Variants in DIAPH1 observed in about 807,000 individuals in gnomAD.
The protein encoded by DIAPH1 is diaphanous related formin 1, also known as protein diaphanous homolog 1.
A neutral mutation model predicts 140.7 loss-of-function variants in DIAPH1; 46 were observed. The ratio of observed to expected loss-of-function variants is 0.33; its 90% CI spans 0.26 to 0.42. The LOEUF is 0.42. Ranked by LOEUF, DIAPH1 falls within the 10% of genes least tolerant of loss-of-function variation. The pLI, the probability that DIAPH1 is intolerant of heterozygous loss-of-function variation, is 1.00. For missense variants in DIAPH1, 1,310 were observed against 1,558.7 expected (o/e 0.84, Z 2.69); for synonymous variants, 565 against 551.6 (o/e 1.02, Z -0.34).
In DIAPH1 at chr5:141,582,394, AT is replaced by A. The variant is rs768014746; in HGVS notation, c.621-20del. ...GTAACTCCTGTATATAGAAGACATAATCAGTGAGGTCCCTTTATTCTCTACC... is the reference window on the plus strand; with the variant it reads ...GTAACTCCTGTATATAGAAGACATAACAGTGAGGTCCCTTTATTCTCTACC... On this transcript the variant is annotated intron_variant, in intron 6 of 27. Transcript: ENST00000389054. The A allele has an allele frequency of 7.0e-6, 11 of 1,579,680 alleles. No homozygotes were observed. Among genetic ancestry groups the A allele is most frequent in the Non-Finnish European group, 9.6e-6 (11 of 1,148,774 alleles).
intron 27 of DIAPH1, among the ~76,000 whole-genome samples, chr5:141,523,155 A>G (rs530285483): frequency 1.3e-5 from 2 of 152,352 alleles, no homozygotes; most frequent in African/African-American, 4.8e-5. Context: ...TCTGTTTACA[A>G]TAATCTCAAA....
intron 19 of DIAPH1, among the ~76,000 whole-genome samples, chr5:141,531,207 A>G (rs2099888169): frequency 6.6e-6 from 1 of 152,206 alleles, no homozygotes. Context: ...TTCCTATTTC[A>G]GTAAATGGTA....
intron 1 of DIAPH1, among the ~76,000 whole-genome samples, chr5:141,596,815 A>G (rs998129626): frequency 6.6e-5 from 10 of 152,220 alleles, no homozygotes; most frequent in Non-Finnish European, 1.0e-4. Flanking sequence ...TAGACAACCC[A>G]GGATTATCAG....
At chr5:141,567,540 G>A (rs189491549) in intron 18 of DIAPH1, among the ~76,000 whole-genome samples, 9 of 152,230 alleles carry the variant, frequency 5.9e-5, no homozygotes, top group African/African-American at 1.4e-4. Context: ...TAATCTTACC[G>A]ATTTGAGTGG....
chr5:141,591,428 C>T (rs752707857), intron 1 of DIAPH1, among the ~76,000 whole-genome samples: 173 of 151,792 alleles, frequency 1.1e-3, no homozygotes, highest in Non-Finnish European at 2.0e-3. Flanking sequence ...ATACTATAAT[C>T]TAGGCTTGCT....
chr5:141,618,852 C>G lies in DIAPH1; in HGVS notation c.63G>C (p.Arg21=). 1 of 1,537,742 alleles carries G rather than the reference C, an allele frequency of 6.5e-7. No homozygotes were observed. The highest frequency in any genetic ancestry group is 1.4e-5 in the African/African-American group (1 of 71,344). ...GRGTRDKKKG[R]SPDELPSAGG... ...CCGCCGAGGGCAGCTCATCTGGGCT[C>G]CGGCCCTTCTTCTTGTCCCGGGTCC... The change falls in exon 1 of 28, where the codon CGG becomes CGC. Residue 21 remains arginine, a synonymous_variant. Transcript: ENST00000389054.
intron 4 of DIAPH1, 40 bp from the exon 5 acceptor site, chr5:141,583,655 C>T: frequency 1.2e-6 from 2 of 1,613,278 alleles, no homozygotes; most frequent in South Asian, 2.2e-5. Context: ...AATGGTGGAC[C>T]CAGTCATAAA....
At chr5:141,552,344 C>A (rs2099891826) in intron 18 of DIAPH1, among the ~76,000 whole-genome samples, 5 of 152,108 alleles carry the variant, frequency 3.3e-5, no homozygotes, top group Admixed American at 3.3e-4. Context: ...CACATGCCAC[C>A]ACACTTAGCT....
chr5:141,529,215 T>C lies in DIAPH1; in HGVS notation c.2735A>G (p.Asp912Gly), dbSNP rs755372400. 1 of 1,614,210 alleles carries C rather than the reference T, an allele frequency of 6.2e-7. No individual in the cohort carries two copies. The highest frequency in any genetic ancestry group is 1.1e-5 in the South Asian group (1 of 91,082). Residue 912 changes from aspartate to glycine, a missense_variant, in exon 21 of 28, where the codon GAT becomes GGT. Physicochemically the swap from Asp to Gly is moderately conservative, Grantham distance 94 (BLOSUM62 -1). This residue lies in a region of DIAPH1 where 344 missense variants were observed against 512.2 expected (regional missense o/e 0.67). Coordinates refer to ENST00000389054, the MANE Select transcript of DIAPH1 (RefSeq NM_005219.5). ...EQLKMLSELK[D>G]EYDDLAESEQ... ...TGACTCAGCCAGGTCATCATATTCA[T>C]CCTTCAGTTCAGAAAGCATTTTTAA...
Position 141,591,712 on chromosome 5 carries a change from A to ATATATATATATATATTTATATATATT in DIAPH1, c.118-3463_118-3462insAATATATATAAATATATATATATATA, listed in dbSNP as rs1426398756. On this transcript the variant is annotated intron_variant, in intron 1 of 27. Transcript: ENST00000389054. ...GAGATGGGGATATATATATATATATATATATATATATATATGAAGGAAGAT... is the reference window on the plus strand; with the variant it reads ...GAGATGGGGATATATATATATATATATATATATATATATATTTATATATATTTATATATATATATATGAAGGAAGAT... Among the ~76,000 whole-genome samples the ATATATATATATATATTTATATATATT allele has an allele frequency of 3.9e-4, 28 of 71,666 alleles. 1 individual carries two copies. Among genetic ancestry groups the ATATATATATATATATTTATATATATT allele is most frequent in the Middle Eastern group, 5.7e-3 (1 of 176 alleles). The allele number at this position is 71,666 out of a possible 152,430, so 47.0% of individuals were successfully genotyped here.
At chr5:141,606,120 T>C (rs1485400516) in intron 1 of DIAPH1, among the ~76,000 whole-genome samples, 5 of 152,162 alleles carry the variant, frequency 3.3e-5, no homozygotes, top group Non-Finnish European at 7.3e-5. Flanking sequence ...ATGAAGGAAC[T>C]GAAGGAATTC....
rs1408130172 is a variant in DIAPH1 at position 141,607,299 on chromosome 5, A to G, written c.117+11499T>C. Among the ~76,000 whole-genome samples the G allele has an allele frequency of 2.6e-5, 4 of 152,256 alleles. No homozygotes were observed. In the East Asian group the frequency reaches 7.7e-4, roughly 29 times the overall value. On this transcript the variant is annotated intron_variant, in intron 1 of 27. Transcript: ENST00000389054. ...ACAATGGCATTACCTATCTGAGCCC[A>G]TAATTTTCTTATACATCCTTGAGAT...
chr5:141,603,970 G>A (rs2099900549), intron 1 of DIAPH1, among the ~76,000 whole-genome samples: 1 of 152,136 alleles, frequency 6.6e-6, no homozygotes, highest in Admixed American at 6.6e-5. Flanking sequence ...CACTATTCCA[G>A]CACAGCAGAA....
At chr5:141,610,370 G>C (rs904598026) in intron 1 of DIAPH1, among the ~76,000 whole-genome samples, 8 of 151,832 alleles carry the variant, frequency 5.3e-5, no homozygotes, top group Non-Finnish European at 8.8e-5. Context: ...GCACAACCTC[G>C]GCTCACTGCA....
chr5:141,610,796 C>T (rs1448493217), intron 1 of DIAPH1, among the ~76,000 whole-genome samples: 2 of 151,776 alleles, frequency 1.3e-5, no homozygotes, highest in Admixed American at 6.6e-5. Flanking sequence ...AAAAATTAGG[C>T]CAGGTGCAGT....
chr5:141,533,276 T>C (rs2099888527), intron 19 of DIAPH1, among the ~76,000 whole-genome samples: 1 of 152,210 alleles, frequency 6.6e-6, no homozygotes, highest in South Asian at 2.1e-4. Flanking sequence ...TAAGTCTATA[T>C]TTCTTGGTAT....
At chr5:141,602,435 T>A (rs2099900290) in intron 1 of DIAPH1, among the ~76,000 whole-genome samples, 2 of 152,188 alleles carry the variant, frequency 1.3e-5, no homozygotes, top group African/African-American at 2.4e-5. Context: ...CAGGATGGTC[T>A]TGAACTCCTG....
intron 18 of DIAPH1, among the ~76,000 whole-genome samples, chr5:141,537,015 A>T (rs1447307900): frequency 6.6e-6 from 1 of 151,978 alleles, no homozygotes; most frequent in Non-Finnish European, 1.5e-5. Flanking sequence ...ATTTAAAAAA[A>T]AATTTAGCTG....
chr5:141,548,333 T>C (rs1472564549), intron 18 of DIAPH1, among the ~76,000 whole-genome samples: 1 of 139,846 alleles, frequency 7.2e-6, no homozygotes, highest in African/African-American at 2.6e-5. Context: ...AATAAAGATA[T>C]ATCCACAAAA....
Sources: allele counts gnomAD v4.1 joint callset (sites outside exome capture counted in the v4.1 genomes callset), GRCh38; gene constraint gnomAD v4.1.1; regional missense constraint gnomAD v4.1.1; transcripts MANE v1.5; gene names NCBI Gene and HGNC (gene_info 2026-07-23, HGNC 2026-07-21).